Variants in TIAM1 observed in about 807,000 individuals in gnomAD.
The protein encoded by TIAM1 is rho guanine nucleotide exchange factor TIAM1.
A neutral mutation model predicts 163.5 loss-of-function variants in TIAM1; 65 were observed. The ratio of observed to expected loss-of-function variants is 0.40; its 90% CI spans 0.33 to 0.49. TIAM1 has a LOEUF of 0.49. Ranked by LOEUF, TIAM1 falls within the 20% of genes least tolerant of loss-of-function variation. The pLI is 0.77. For synonymous variants in TIAM1, 833 were observed against 810.1 expected (o/e 1.03, Z -0.48); for missense variants, 1,789 against 2,044.7 (o/e 0.87, Z 2.41).
chr21:31,428,128 G>A (rs2043864840), intron 2 of TIAM1, among the ~76,000 whole-genome samples: 1 of 151,890 alleles, frequency 6.6e-6, no homozygotes, highest in African/African-American at 2.4e-5. Flanking sequence ...AGGCCTAGTG[G>A]CCTGTAATTT....
At chr21:31,132,878 G>A (rs1478446773) in intron 23 of TIAM1, among the ~76,000 whole-genome samples, 2 of 152,200 alleles carry the variant, frequency 1.3e-5, no homozygotes, top group African/African-American at 2.4e-5. Context: ...CTTCAAGGCA[G>A]AAGGCTATTT....
chr21:31,525,230 A>G (rs145931267), intron 1 of TIAM1, among the ~76,000 whole-genome samples: 11,631 of 151,968 alleles, frequency 0.077, 1,213 homozygotes, highest in African/African-American at 0.23. Context: ...TTAGCCAGGC[A>G]TGGTGGCGCA....
chr21:31,475,430 T>C (rs933236623), intron 1 of TIAM1, among the ~76,000 whole-genome samples: 1 of 152,208 alleles, frequency 6.6e-6, no homozygotes, highest in Non-Finnish European at 1.5e-5. Context: ...TACATAGGGT[T>C]TGGCGACTTC....
At chr21:31,142,338 C>T (rs911075215) in intron 20 of TIAM1, among the ~76,000 whole-genome samples, 2 of 151,882 alleles carry the variant, frequency 1.3e-5, no homozygotes, top group African/African-American at 4.8e-5. Flanking sequence ...GGCAAGCATG[C>T]CGTGCACAGT....
chr21:31,477,086 C>T (rs957163234), intron 1 of TIAM1, among the ~76,000 whole-genome samples: 6 of 152,158 alleles, frequency 3.9e-5, no homozygotes, highest in African/African-American at 1.4e-4. Context: ...GTATTTCCTG[C>T]GCTTACGACT....
chr21:31,373,511 T>C (rs554350955), intron 2 of TIAM1, among the ~76,000 whole-genome samples: 1 of 152,300 alleles, frequency 6.6e-6, no homozygotes, highest in South Asian at 2.1e-4. Context: ...CCATCGGATC[T>C]CGTGAGACTT....
intron 2 of TIAM1, among the ~76,000 whole-genome samples, chr21:31,441,763 C>A (rs1330408226): frequency 1.3e-5 from 2 of 151,484 alleles, no homozygotes; most frequent in East Asian, 3.9e-4. Context: ...TAATTCAAAA[C>A]TATTGCTGAG....
intron 2 of TIAM1, among the ~76,000 whole-genome samples, chr21:31,440,130 T>C (rs2044366528): frequency 6.6e-6 from 1 of 152,228 alleles, no homozygotes; most frequent in African/African-American, 2.4e-5. Flanking sequence ...GCAGTAAGTA[T>C]TCTACAAACG....
chr21:31,437,730 A>C (rs1354680083), intron 2 of TIAM1, among the ~76,000 whole-genome samples: 1 of 151,950 alleles, frequency 6.6e-6, no homozygotes, highest in Non-Finnish European at 1.5e-5. Context: ...TCTCTCTTCC[A>C]CCTGCTCTGG....
chr21:31,321,384 C>T (rs945452099), intron 2 of TIAM1, among the ~76,000 whole-genome samples: 1 of 151,856 alleles, frequency 6.6e-6, no homozygotes, highest in East Asian at 1.9e-4. Context: ...CGGAGTTTCG[C>T]TCTTGTTGCC....
At chr21:31,153,204 A>G (rs1001441834) in intron 17 of TIAM1, 70 bp from the exon 18 acceptor site, 16 of 1,285,604 alleles carry the variant, frequency 1.2e-5, no homozygotes, top group Non-Finnish European at 1.6e-5. Context: ...CTTAAAGTAT[A>G]AAGCATATGT....
chr21:31,186,956 A>G (rs1316828268), intron 14 of TIAM1, 45 bp downstream of exon 14: 5 of 1,532,054 alleles, frequency 3.3e-6, no homozygotes, highest in Non-Finnish European at 4.5e-6. Flanking sequence ...AGAAGCCCCA[A>G]AGGGCATTTA....
intron 2 of TIAM1, among the ~76,000 whole-genome samples, chr21:31,398,229 C>G (rs1454849469): frequency 6.9e-6 from 1 of 144,792 alleles, no homozygotes; most frequent in East Asian, 2.2e-4. Context: ...ATGACCACAT[C>G]AATTCACTAA....
At chr21:31,279,081 A>T (rs1601805750) in intron 2 of TIAM1, among the ~76,000 whole-genome samples, 2 of 152,232 alleles carry the variant, frequency 1.3e-5, no homozygotes, top group Admixed American at 6.5e-5. Flanking sequence ...ATAGAATAAA[A>T]TTTTTTCTCT....
chr21:31,149,360 C>T (rs2083278405), intron 19 of TIAM1, among the ~76,000 whole-genome samples: 1 of 152,124 alleles, frequency 6.6e-6, no homozygotes, highest in African/African-American at 2.4e-5. Context: ...CAGAATGCTC[C>T]AATGGCCATT....
chr21:31,199,928 C>A (rs936713277), intron 12 of TIAM1, among the ~76,000 whole-genome samples: 91 of 149,262 alleles, frequency 6.1e-4, no homozygotes, highest in African/African-American at 2.1e-3. Context: ...AAAAAAAACA[C>A]ACAAAAAATA....
chr21:31,385,414 G>A (rs1035459340), intron 2 of TIAM1, among the ~76,000 whole-genome samples: 1 of 152,132 alleles, frequency 6.6e-6, no homozygotes, highest in East Asian at 1.9e-4. Flanking sequence ...CCACAAGGCT[G>A]TGGGCTGCTA....
chr21:31,198,380 C>T (rs954248282), intron 12 of TIAM1, among the ~76,000 whole-genome samples: 1 of 152,154 alleles, frequency 6.6e-6, no homozygotes. Context: ...TTAAACACCT[C>T]AATTTAATGC....
At position 31,297,782 on chromosome 21, in the gene TIAM1, G is replaced by A. The variant is rs116816465; in HGVS notation, c.-188-20874C>T. Among the ~76,000 whole-genome samples, 947 of 152,290 alleles carry A rather than the reference G, an allele frequency of 6.2e-3. 8 individuals carry two copies. The highest frequency in any genetic ancestry group is 0.022 in the African/African-American group (916 of 41,558). ...TAGGGTTTTGAGACCCCAAAAATAT[G>A]ATATAATGCTCAGAGTTAAGTGCCA... On this transcript the variant is annotated intron_variant, in intron 2 of 27. Transcript: ENST00000541036.
Sources: gnomAD v4.1 joint callset for allele counts (sites outside exome capture counted in the v4.1 genomes callset) on GRCh38, gnomAD v4.1.1 for gene constraint, MANE v1.5 for transcripts, NCBI Gene and HGNC (gene_info 2026-07-23, HGNC 2026-07-21) for gene names.